Variants in NRXN1 observed in about 807,000 individuals in gnomAD.
NRXN1 encodes the protein neurexin 1.
A neutral mutation model predicts 150.9 loss-of-function variants in NRXN1; 39 were observed. That is an observed-to-expected ratio of 0.26 (90% CI 0.20 to 0.34). The LOEUF (loss-of-function observed/expected upper bound fraction) is 0.34. Ranked by LOEUF, NRXN1 falls within the 10% of genes least tolerant of loss-of-function variation. The pLI, the probability that NRXN1 is intolerant of heterozygous loss-of-function variation, is 1.00. For missense variants in NRXN1, 1,815 were observed against 1,949.9 expected, an observed-to-expected ratio of 0.93 and a Z score of 1.30; for synonymous variants, 924 against 757.0, an observed-to-expected ratio of 1.22 and a Z score of -3.62.
In NRXN1 at chr2:50,334,192, A is replaced by AATTTTATATATATATATATATAT. The variant is rs57808424; in HGVS notation, c.3365-97223_3365-97222insATATATATATATATATATAAAAT. ...CTGCCTTTCCTTAAGACCAGGACCAAATATATATATATATATATATGTATG... is the reference window on the plus strand; with the variant it reads ...CTGCCTTTCCTTAAGACCAGGACCAAATTTTATATATATATATATATATATATATATATATATATATATGTATG... On this transcript the variant is annotated intron_variant, in intron 17 of 22. Coordinates refer to ENST00000401669, the MANE Select transcript of NRXN1 (RefSeq NM_001330078.2). 4.0e-4 allele frequency among the ~76,000 whole-genome samples: 48 copies of AATTTTATATATATATATATATAT among 118,968 alleles called. 1 individual carries two copies. Among genetic ancestry groups the AATTTTATATATATATATATATAT allele is most frequent in the African/African-American group, 1.2e-3 (28 of 23,170 alleles). The allele number at this position is 118,968 out of a possible 152,430, so 78.0% of individuals were successfully genotyped here.
At chr2:50,135,617 G>A (rs113785077) in intron 18 of NRXN1, among the ~76,000 whole-genome samples, 3,658 of 152,206 alleles carry the variant, frequency 0.024, 148 homozygotes, top group African/African-American at 0.084. Context: ...CGTGAACCTG[G>A]GAGTCAGAGC....
At chr2:50,449,722 T>C (rs1404336969) in intron 17 of NRXN1, among the ~76,000 whole-genome samples, 1 of 152,190 alleles carries the variant, frequency 6.6e-6, no homozygotes, top group Non-Finnish European at 1.5e-5. Context: ...CTTCATAAAT[T>C]GTCCCATAAT....
chr2:50,083,759 C>A (rs1035278846), intron 19 of NRXN1, among the ~76,000 whole-genome samples: 1 of 152,126 alleles, frequency 6.6e-6, no homozygotes, highest in African/African-American at 2.4e-5. Context: ...CGTTTACAAT[C>A]CCTGAGCTAG....
intron 5 of NRXN1, among the ~76,000 whole-genome samples, chr2:50,730,153 G>T (rs1697913055): frequency 6.6e-6 from 1 of 152,038 alleles, no homozygotes. Flanking sequence ...TTACCACAGG[G>T]CTCTACAAGA....
At chr2:50,852,269 G>A (rs1211818686) in intron 5 of NRXN1, among the ~76,000 whole-genome samples, 1 of 152,132 alleles carries the variant, frequency 6.6e-6, no homozygotes, top group East Asian at 1.9e-4. Context: ...GTTATACATG[G>A]AGAAAATCTA....
chr2:50,289,879 A>C (rs1558461147), intron 17 of NRXN1, among the ~76,000 whole-genome samples: 1 of 152,158 alleles, frequency 6.6e-6, no homozygotes, highest in African/African-American at 2.4e-5. Flanking sequence ...AAATTCATTA[A>C]TTTTTTAAAA....
chr2:50,651,688 C>T (rs966111103), intron 5 of NRXN1, among the ~76,000 whole-genome samples: 3 of 151,874 alleles, frequency 2.0e-5, no homozygotes, highest in Non-Finnish European at 2.9e-5. Context: ...GTTAACTTGC[C>T]GACACACATG....
chr2:50,285,264 T>C (rs965257534), intron 17 of NRXN1, among the ~76,000 whole-genome samples: 2 of 152,194 alleles, frequency 1.3e-5, no homozygotes, highest in Non-Finnish European at 2.9e-5. Context: ...TATTTTACAA[T>C]AATTTGTATT....
chr2:50,748,260 G>A (rs552480016), intron 5 of NRXN1, among the ~76,000 whole-genome samples: 39 of 152,206 alleles, frequency 2.6e-4, no homozygotes, highest in African/African-American at 6.5e-4. Flanking sequence ...GCACCCAACC[G>A]TCCCTGGAAA....
intron 2 of NRXN1, among the ~76,000 whole-genome samples, chr2:50,984,126 C>T (rs929316379): frequency 2.8e-5 from 4 of 145,170 alleles, no homozygotes; most frequent in Admixed American, 1.4e-4. Flanking sequence ...CACTGCCACG[C>T]CAGGCTAATT....
chr2:50,569,486 T>C (rs1324782636), intron 8 of NRXN1, among the ~76,000 whole-genome samples: 3 of 152,042 alleles, frequency 2.0e-5, no homozygotes, highest in Admixed American at 6.6e-5. Flanking sequence ...CCATAAATTT[T>C]ACAGAAACCA....
At chr2:50,805,749 T>C (rs1446953632) in intron 5 of NRXN1, among the ~76,000 whole-genome samples, 2 of 152,294 alleles carry the variant, frequency 1.3e-5, no homozygotes, top group East Asian at 3.9e-4. Context: ...TTAAAATAAA[T>C]TGTAGAAAAT....
chr2:50,792,859 A>T (rs1317708338), intron 5 of NRXN1, among the ~76,000 whole-genome samples: 2 of 150,744 alleles, frequency 1.3e-5, no homozygotes, highest in African/African-American at 4.8e-5. Flanking sequence ...AAATTAAAAC[A>T]TAGAAAAGTT....
At chr2:50,529,901 T>C (rs557674126) in intron 11 of NRXN1, among the ~76,000 whole-genome samples, 39 of 152,334 alleles carry the variant, frequency 2.6e-4, no homozygotes, top group Middle Eastern at 3.4e-3. Context: ...ATTTCACTAA[T>C]ATTAATTAAA....
At chr2:50,584,392 C>T in intron 8 of NRXN1, among the ~76,000 whole-genome samples, 1 of 152,190 alleles carries the variant, frequency 6.6e-6, no homozygotes, top group Non-Finnish European at 1.5e-5. Context: ...CCCATAAATA[C>T]ACTTGTACTC....
At chr2:50,373,679 A>AAGAAAAGAAAGAAAGAAAG (rs766534624) in intron 17 of NRXN1, among the ~76,000 whole-genome samples, 1 of 65,638 alleles carries the variant, frequency 1.5e-5, no homozygotes, top group African/African-American at 6.0e-5. Context: ...AGAAAGAAAG[A>AAGAAAAGAAAGAAAGAAAG]AAAGAAAGAA....
At chr2:51,013,578 T>C (rs1258070929) in intron 2 of NRXN1, among the ~76,000 whole-genome samples, 1 of 151,958 alleles carries the variant, frequency 6.6e-6, no homozygotes, top group Non-Finnish European at 1.5e-5. Context: ...TCCAATTATT[T>C]ACATAACTAC....
At chr2:50,349,650 C>G (rs1333588890) in intron 17 of NRXN1, among the ~76,000 whole-genome samples, 1 of 152,174 alleles carries the variant, frequency 6.6e-6, no homozygotes, top group African/African-American at 2.4e-5. Flanking sequence ...ACTCATGTTT[C>G]TATCTTTCCT....
intron 2 of NRXN1, among the ~76,000 whole-genome samples, chr2:50,970,621 T>A (rs1263191430): frequency 6.6e-6 from 1 of 152,116 alleles, no homozygotes; most frequent in Non-Finnish European, 1.5e-5. Flanking sequence ...TGAATGTTAA[T>A]CACATTTTAG....
Sources: gnomAD v4.1 joint callset for allele counts (sites outside exome capture counted in the v4.1 genomes callset) on GRCh38, gnomAD v4.1.1 for gene constraint, MANE v1.5 for transcripts, NCBI Gene and HGNC (gene_info 2026-07-23, HGNC 2026-07-21) for gene names.